The following C3orf49 variants were observed in gnomAD, a reference collection of about 807,000 sequenced individuals.
The protein encoded by C3orf49 is putative uncharacterized protein C3orf49.
Under a neutral mutation model 13.3 loss-of-function variants are expected in C3orf49, and 27 were observed. That is an observed-to-expected ratio of 2.02 (90% CI 1.49 to 2.79). The LOEUF (loss-of-function observed/expected upper bound fraction) is 2.79. Ranked by LOEUF, C3orf49 falls within the 30% of genes most tolerant of loss-of-function variation. The pLI is 0.00. For synonymous variants in C3orf49, 87 were observed against 47.6 expected (o/e 1.83, Z -3.40); for missense variants, 242 against 134.2 (o/e 1.80, Z -3.97).
upstream of C3orf49, among the ~76,000 whole-genome samples, chr3:63,818,671 T>C (rs952142972): frequency 6.6e-6 from 1 of 152,222 alleles, no homozygotes; most frequent in Non-Finnish European, 1.5e-5. Context: ...ATCTAGTTAT[T>C]TGACTGAACA....
chr3:63,783,945 A>G, the C3orf49 span, among the ~76,000 whole-genome samples: 2 of 152,016 alleles, frequency 1.3e-5, no homozygotes. Flanking sequence ...CATGGCCCCT[A>G]TATCTTTTTT....
the C3orf49 span, among the ~76,000 whole-genome samples, chr3:63,802,574 G>GTT: frequency 9.9e-5 from 15 of 152,046 alleles, no homozygotes; most frequent in African/African-American, 3.6e-4. Context: ...ATCTTTCTTA[G>GTT]TTTTTTTATT....
chr3:63,816,769 C>CTTTTTTTTTTTTTT (rs543894356), upstream of C3orf49, among the ~76,000 whole-genome samples: 3 of 97,172 alleles, frequency 3.1e-5, no homozygotes, highest in African/African-American at 4.6e-5. Context: ...CTTTTCTTTT[C>CTTTTTTTTTTTTTT]TTTTTTTTTT....
the C3orf49 span, among the ~76,000 whole-genome samples, chr3:63,781,412 G>A: frequency 6.6e-6 from 1 of 152,124 alleles, no homozygotes; most frequent in Non-Finnish European, 1.5e-5. Context: ...ATAGTTTGAA[G>A]TCAGGTAACG....
rs143752039 is a variant in C3orf49 at position 63,836,347 on chromosome 3, A to G, written c.849+4503A>G. On this transcript the variant is annotated intron_variant, in intron 5 of 6. Coordinates refer to ENST00000295896, the MANE Select transcript of C3orf49 (RefSeq NM_001355236.2). ...GGATGGTGCTGAATCACTTTTGCCAAAGCATCATATTCTGTAAGACATAAA... is the reference window on the plus strand; with the variant it reads ...GGATGGTGCTGAATCACTTTTGCCAGAGCATCATATTCTGTAAGACATAAA... The G allele has an allele frequency of 1.4e-4, 226 of 1,612,486 alleles. 1 individual carries two copies. Among genetic ancestry groups the G allele is most frequent in the Non-Finnish European group, 1.8e-4 (214 of 1,179,110 alleles).
At chr3:63,839,918 T>C (rs1701723329) in intron 5 of C3orf49, 3 of 623,980 alleles carry the variant, frequency 4.8e-6, no homozygotes, top group Non-Finnish European at 5.4e-6. Context: ...CACTTAAAAA[T>C]GGCTAGCTAA....
chr3:63,838,648 A>G, intron 5 of C3orf49: 1 of 754,402 alleles, frequency 1.3e-6, no homozygotes, highest in Middle Eastern at 3.8e-4. Context: ...TCTGTCCCTT[A>G]AGTTTTCTTT....
chr3:63,795,687 A>G, the C3orf49 span, among the ~76,000 whole-genome samples: 1 of 152,132 alleles, frequency 6.6e-6, no homozygotes, highest in African/African-American at 2.4e-5. Flanking sequence ...TTGACACTCC[A>G]GGCCCCATGT....
At chr3:63,832,560 G>A (rs1167964190) in intron 5 of C3orf49, among the ~76,000 whole-genome samples, 2 of 152,006 alleles carry the variant, frequency 1.3e-5, no homozygotes, top group Admixed American at 1.3e-4. Context: ...TACTCGGGAG[G>A]CTGACATAGA....
rs943004546 is a variant in C3orf49 at position 63,848,364 on chromosome 3, G to A, written c.*31G>A. 1.3e-5 allele frequency: 2 copies of A among 151,252 alleles called. No homozygotes were observed. The highest frequency in any genetic ancestry group is 4.9e-5 in the African/African-American group (2 of 41,222). The allele number at this position is 151,252 out of a possible 1,614,324, so 9.4% of individuals were successfully genotyped here. ...AGAAATTCCTTTCTATTGATTCCAG[G>A]TCTTCAGACAATAACTTAACCAATT... On this transcript the variant is annotated splice_region_variant and 3_prime_UTR_variant, in exon 7 of 7. Coordinates refer to ENST00000295896, the MANE Select transcript of C3orf49 (RefSeq NM_001355236.2).
chr3:63,814,559 T>C (rs1359493687), upstream of C3orf49, among the ~76,000 whole-genome samples: 2 of 152,068 alleles, frequency 1.3e-5, no homozygotes, highest in East Asian at 1.9e-4. Context: ...ACAAGGGAGA[T>C]TGTGTTTTGA....
rs142184263 is a variant in C3orf49 at position 63,820,541 on chromosome 3, G to A, written c.125+945G>A. Among the ~76,000 whole-genome samples the A allele has an allele frequency of 1.4e-3, 218 of 152,254 alleles. 1 individual carries two copies. The highest frequency in any genetic ancestry group is 4.9e-3 in the African/African-American group (203 of 41,544). On this transcript the variant is annotated intron_variant, in intron 1 of 6. Coordinates refer to ENST00000295896, the MANE Select transcript of C3orf49 (RefSeq NM_001355236.2). Reference sequence around the variant, plus strand: ...GGGAAACACCTTCTAGAGATTCTGAGACCACTTAGAACTGGGCTTTTAACA... The same window carrying A: ...GGGAAACACCTTCTAGAGATTCTGAAACCACTTAGAACTGGGCTTTTAACA...
the C3orf49 span, among the ~76,000 whole-genome samples, chr3:63,806,269 C>T: frequency 3.3e-5 from 5 of 152,208 alleles, no homozygotes; most frequent in South Asian, 8.3e-4. Context: ...GGCGCTAACA[C>T]GCTTGTTAAC....
the C3orf49 span, among the ~76,000 whole-genome samples, chr3:63,807,529 T>C: frequency 1.3e-5 from 2 of 152,030 alleles, no homozygotes; most frequent in Non-Finnish European, 2.9e-5. Context: ...GCTTTCATGA[T>C]TCAGGATGAA....
chr3:63,830,107 G>A (rs1271711289), intron 3 of C3orf49, among the ~76,000 whole-genome samples: 1 of 152,172 alleles, frequency 6.6e-6, no homozygotes, highest in Non-Finnish European at 1.5e-5. Flanking sequence ...ACAAACAGGA[G>A]CTGCGCCAGG....
chr3:63,815,469 G>A (rs1040087616), upstream of C3orf49, among the ~76,000 whole-genome samples: 2 of 152,058 alleles, frequency 1.3e-5, no homozygotes, highest in South Asian at 2.1e-4. Flanking sequence ...TTTTAAAAAC[G>A]TATGCATAAC....
chr3:63,826,487 G>C (rs1701465845), intron 2 of C3orf49, among the ~76,000 whole-genome samples: 1 of 152,150 alleles, frequency 6.6e-6, no homozygotes, highest in African/African-American at 2.4e-5. Flanking sequence ...CACTGGCTTT[G>C]AAGGTGGAGG....
At chr3:63,822,862 A>G (rs1189552916) in intron 1 of C3orf49, among the ~76,000 whole-genome samples, 2 of 152,228 alleles carry the variant, frequency 1.3e-5, no homozygotes, top group African/African-American at 4.8e-5. Flanking sequence ...ATGTCAAACT[A>G]TCATTGAAAT....
At chr3:63,833,376 G>A (rs541654229) in intron 5 of C3orf49, among the ~76,000 whole-genome samples, 1 of 152,226 alleles carries the variant, frequency 6.6e-6, no homozygotes, top group South Asian at 2.1e-4. Context: ...TGGGATTAAA[G>A]GTGTGAGCCA....
Sources: gnomAD v4.1 joint callset for allele counts (sites outside exome capture counted in the v4.1 genomes callset) on GRCh38, gnomAD v4.1.1 for gene constraint, MANE v1.5 for transcripts, NCBI Gene and HGNC (gene_info 2026-07-23, HGNC 2026-07-21) for gene names.